Variants in RASA1 observed in about 807,000 individuals in gnomAD.
RASA1 encodes RAS p21 protein activator 1.
In RASA1, 25 loss-of-function variants were observed where a neutral mutation model predicts 132.2. That is an observed-to-expected ratio of 0.19 (90% CI 0.14 to 0.26). The LOEUF (loss-of-function observed/expected upper bound fraction) is 0.26. Ranked by LOEUF, RASA1 falls within the 10% of genes least tolerant of loss-of-function variation. RASA1 has a pLI of 1.00. For missense variants in RASA1, 964 were observed against 1,299.2 expected (o/e 0.74, Z 3.97); for synonymous variants, 477 against 449.9 (o/e 1.06, Z -0.76).
intron 21 of RASA1, 37 bp downstream of exon 21, chr5:87,383,817 T>C (rs558644958): frequency 1.3e-6 from 2 of 1,537,572 alleles, no homozygotes; most frequent in African/African-American, 1.4e-5. Flanking sequence ...ATTCAAAATA[T>C]TAGAATTAAC....
chr5:87,281,361 G>A (rs1009651613), intron 1 of RASA1, among the ~76,000 whole-genome samples: 25 of 150,040 alleles, frequency 1.7e-4, no homozygotes, highest in Admixed American at 1.0e-3. Flanking sequence ...TGCAATCTCC[G>A]CCTCCTGAGT....
At chr5:87,269,212 A>G in intron 1 of RASA1, 2 of 1,577,472 alleles carry the variant, frequency 1.3e-6, no homozygotes, top group Non-Finnish European at 1.7e-6. Context: ...GAAAGTGTAA[A>G]GTCTTTAAGA....
rs548410947 is a variant in RASA1, at chr5:87,285,618, C to CTTT, written c.539+16643_539+16645dup. On this transcript the variant is annotated intron_variant, in intron 1 of 24. Transcript: ENST00000274376. ...TTTCAGTCAGTCTCTTTTTCTTTTT[C>CTTT]TTTTTTTTTTTTTTTTTGAGACAAA... is the stretch of plus-strand genomic sequence containing the variant. 1.3e-3 allele frequency among the ~76,000 whole-genome samples: 170 copies of CTTT among 126,044 alleles called. 3 individuals are homozygous for CTTT. The highest frequency in any genetic ancestry group is 4.5e-3 in the African/African-American group (154 of 33,962). The allele number at this position is 126,044 out of a possible 152,430, so 82.7% of individuals were successfully genotyped here.
chr5:87,349,973 C>T (rs1213455604), intron 8 of RASA1, among the ~76,000 whole-genome samples: 1 of 151,770 alleles, frequency 6.6e-6, no homozygotes, highest in African/African-American at 2.4e-5. Flanking sequence ...CATTTGTGAA[C>T]GTAAAGGTTT....
At chr5:87,352,872 T>C (rs1436213857) in intron 8 of RASA1, among the ~76,000 whole-genome samples, 2 of 151,980 alleles carry the variant, frequency 1.3e-5, no homozygotes, top group Admixed American at 6.6e-5. Flanking sequence ...TCCTCATTTA[T>C]GGTGACTCTT....
At position 87,376,470 on chromosome 5, in the gene RASA1, C is replaced by A. The variant is rs759711265; in HGVS notation, c.2089C>A (p.Pro697Thr). The A allele has an allele frequency of 1.1e-5, 17 of 1,613,978 alleles. No individual in the cohort carries two copies. Among genetic ancestry groups the A allele is most frequent in the Non-Finnish European group, 1.2e-5 (14 of 1,179,970 alleles). Residue 697 changes from proline (P) to threonine (T), a missense_variant, in exon 16 of 25, where the codon CCA becomes ACA. Physicochemically the swap from Pro to Thr is conservative, Grantham distance 38. Transcript: ENST00000274376. ...DEWFLLSSHI[P>T]LKGIEPGSLR... ...ATGGTTTCTGCTCAGCTCCCATATACCATTAAAAGGTATTGAACCAGGGTC... is the reference window on the plus strand; with the variant it reads ...ATGGTTTCTGCTCAGCTCCCATATAACATTAAAAGGTATTGAACCAGGGTC...
intron 1 of RASA1, among the ~76,000 whole-genome samples, chr5:87,302,019 CTT>C (rs911300604): frequency 6.6e-6 from 1 of 152,056 alleles, no homozygotes; most frequent in Non-Finnish European, 1.5e-5. Flanking sequence ...CTGATAATGA[CTT>C]TTAATGAACA....
chr5:87,355,775 A>G (rs914415608), intron 9 of RASA1, among the ~76,000 whole-genome samples: 2 of 152,226 alleles, frequency 1.3e-5, no homozygotes, highest in Non-Finnish European at 2.9e-5. Context: ...AACATTTGTG[A>G]TTCATGGGCA....
chr5:87,308,317 T>C (rs1186115744), intron 1 of RASA1, among the ~76,000 whole-genome samples: 1 of 152,082 alleles, frequency 6.6e-6, no homozygotes, highest in East Asian at 1.9e-4. Flanking sequence ...GGCTGCTGAA[T>C]GGCACCTTCT....
At chr5:87,286,824 T>G (rs930624435) in intron 1 of RASA1, among the ~76,000 whole-genome samples, 1 of 149,300 alleles carries the variant, frequency 6.7e-6, no homozygotes, top group Admixed American at 6.7e-5. Flanking sequence ...ACACACACAC[T>G]CACATATATA....
At chr5:87,363,259 G>A in intron 10 of RASA1, 89 bp from the exon 11 acceptor site, 1 of 1,181,728 alleles carries the variant, frequency 8.5e-7, no homozygotes, top group Non-Finnish European at 1.2e-6. Context: ...AAAATTGATT[G>A]ATTCATATTT....
chr5:87,299,285 C>T (rs1018994124), intron 1 of RASA1, among the ~76,000 whole-genome samples: 1 of 152,142 alleles, frequency 6.6e-6, no homozygotes, highest in Non-Finnish European at 1.5e-5. Context: ...CTGGTGTTCA[C>T]AGTGGGAGTA....
chr5:87,307,929 CTG>C (rs1018460210), intron 1 of RASA1, among the ~76,000 whole-genome samples: 2 of 152,158 alleles, frequency 1.3e-5, no homozygotes, highest in African/African-American at 2.4e-5. Flanking sequence ...TTAGCCACTC[CTG>C]TGTTAGGCAG....
chr5:87,368,177 A>G (rs534586969), intron 11 of RASA1, among the ~76,000 whole-genome samples: 1 of 151,946 alleles, frequency 6.6e-6, no homozygotes, highest in South Asian at 2.1e-4. Flanking sequence ...TCTGTTTTTC[A>G]TCCTTTTTCC....
intron 1 of RASA1, chr5:87,269,226 A>G: frequency 1.9e-6 from 3 of 1,555,876 alleles, no homozygotes; most frequent in Non-Finnish European, 2.6e-6. Flanking sequence ...TTTAAGATGG[A>G]AAGCATGAGA....
chr5:87,320,325 A>G (rs1275064721), intron 1 of RASA1, among the ~76,000 whole-genome samples: 1 of 152,208 alleles, frequency 6.6e-6, no homozygotes, highest in Non-Finnish European at 1.5e-5. Flanking sequence ...AGGTATCTTT[A>G]TAGCAGTGCC....
At chr5:87,303,808 C>T (rs994417079) in intron 1 of RASA1, among the ~76,000 whole-genome samples, 7 of 149,914 alleles carry the variant, frequency 4.7e-5, no homozygotes, top group African/African-American at 7.3e-5. Flanking sequence ...TGTATTATTA[C>T]GAAATGTCTG....
chr5:87,341,662 C>T (rs1291843153), intron 6 of RASA1, among the ~76,000 whole-genome samples: 1 of 151,972 alleles, frequency 6.6e-6, no homozygotes, highest in Non-Finnish European at 1.5e-5. Context: ...TGTTTTATAG[C>T]CACATCTTTT....
At chr5:87,280,199 C>A (rs529564433) in intron 1 of RASA1, among the ~76,000 whole-genome samples, 19 of 152,332 alleles carry the variant, frequency 1.2e-4, no homozygotes, top group Non-Finnish European at 2.5e-4. Flanking sequence ...TCTGTAAACA[C>A]CCTCACAGAC....
Sources: allele counts gnomAD v4.1 joint callset (sites outside exome capture counted in the v4.1 genomes callset), GRCh38; gene constraint gnomAD v4.1.1; transcripts MANE v1.5; gene names NCBI Gene and HGNC (gene_info 2026-07-23, HGNC 2026-07-21).